The following TMEM92 variants were observed in gnomAD, a reference collection of about 807,000 sequenced individuals.
TMEM92 encodes transmembrane protein 92.
A neutral mutation model predicts 14.6 loss-of-function variants in TMEM92; 15 were observed. The observed-to-expected ratio is 1.03, with a 90% confidence interval of 0.69 to 1.58. The LOEUF (loss-of-function observed/expected upper bound fraction) is 1.58, where lower values mean the gene tolerates loss of function less well. Among genes scored for constraint, TMEM92 ranks in the 40% most tolerant of loss-of-function variants. TMEM92 has a pLI of 0.00. For missense variants in TMEM92, 174 were observed against 202.4 expected (o/e 0.86, Z 0.85); for synonymous variants, 85 against 83.3 (o/e 1.02, Z -0.11).
At chr17:50,273,962 A>C (rs1217629485), upstream of TMEM92, among the ~76,000 whole-genome samples, 2 of 138,766 alleles carry the variant, frequency 1.4e-5, no homozygotes, top group East Asian at 4.7e-4. Context: ...CCTCTTTTTA[A>C]ATTTAGGTTA....
chr17:50,277,575 G>A (rs1309850865), intron 1 of TMEM92, 140 bp from the exon 2 acceptor site: 6 of 917,624 alleles, frequency 6.5e-6, no homozygotes, highest in Non-Finnish European at 6.9e-6. Flanking sequence ...GGAGTGAGGT[G>A]GGGGGTGGCT....
At chr17:50,273,548 A>G (rs1910321469), upstream of TMEM92, among the ~76,000 whole-genome samples, 1 of 152,138 alleles carries the variant, frequency 6.6e-6, no homozygotes, top group African/African-American at 2.4e-5. Flanking sequence ...CCGTTTTGTC[A>G]ATGGGAGAAA....
Position 50,274,744 on chromosome 17 carries a change from G to T in TMEM92, c.69+174G>T, listed in dbSNP as rs1323602799. 1.4e-5 allele frequency: 9 copies of T among 648,420 alleles called. No homozygotes were observed. In the Admixed American group the frequency reaches 1.8e-4, roughly 13 times the overall value. The allele number at this position is 648,420 out of a possible 1,614,324, so 40.2% of individuals were successfully genotyped here. On this transcript the variant is annotated intron_variant, in intron 1 of 4. Transcript: ENST00000507382. ...AGGTGGAGGTGGGGGCAGCGGAGGA[G>T]GCTCTGGGAGAGGCTGGGTTCTCCC...
chr17:50,278,720 T>C, intron 3 of TMEM92, 81 bp from the exon 4 acceptor site: 1 of 1,574,664 alleles, frequency 6.4e-7, no homozygotes, highest in Non-Finnish European at 8.6e-7. Flanking sequence ...GGGGGCAGTG[T>C]GGGCGGCGGG....
chr17:50,277,532 G>C (rs1438279539), intron 1 of TMEM92, among the ~76,000 whole-genome samples, 183 bp from the exon 2 acceptor site: 1 of 151,974 alleles, frequency 6.6e-6, no homozygotes, highest in African/African-American at 2.4e-5. Context: ...CCAGGGGTCA[G>C]TTGGGCTCCA....
At chr17:50,273,575 T>C (rs1173055230), upstream of TMEM92, among the ~76,000 whole-genome samples, 1 of 152,184 alleles carries the variant, frequency 6.6e-6, no homozygotes, top group Admixed American at 6.5e-5. Flanking sequence ...CAACACCTCC[T>C]GTAGGATTTC....
chr17:50,277,296 G>C (rs187669004), intron 1 of TMEM92, among the ~76,000 whole-genome samples: 79 of 152,296 alleles, frequency 5.2e-4, no homozygotes, highest in African/African-American at 1.9e-3. Context: ...GGGAGCCACC[G>C]AAGGGGGCTT....
intron 1 of TMEM92, chr17:50,274,825 C>T (rs1910374092): frequency 1.5e-5 from 8 of 537,116 alleles, no homozygotes; most frequent in South Asian, 1.4e-4. Flanking sequence ...CCTTATCTGA[C>T]ACCTAGCACG....
At chr17:50,274,950 G>A in intron 1 of TMEM92, 1 of 222,284 alleles carries the variant, frequency 4.5e-6, no homozygotes, top group South Asian at 7.3e-5. Context: ...AGTTCCTCCA[G>A]TGCTGGGGGA....
chr17:50,274,848 G>T, intron 1 of TMEM92: 1 of 498,104 alleles, frequency 2.0e-6, no homozygotes, highest in Non-Finnish European at 3.6e-6. Context: ...TCTGTGAATA[G>T]GGACTTTGGA....
intron 2 of TMEM92, among the ~76,000 whole-genome samples, chr17:50,278,129 C>G (rs1272112833): frequency 6.6e-6 from 1 of 152,186 alleles, no homozygotes. Flanking sequence ...TAGGTCAGCC[C>G]TGGGTGTTCT....
At chr17:50,279,133 G>C (rs1341967513) in intron 4 of TMEM92, 62 bp from the exon 5 acceptor site, 2 of 1,548,174 alleles carry the variant, frequency 1.3e-6, no homozygotes, top group African/African-American at 2.7e-5. Flanking sequence ...GCCTCAGCTG[G>C]GATGGGGGAG....
At chr17:50,273,451 C>T (rs1378078797), upstream of TMEM92, among the ~76,000 whole-genome samples, 5 of 152,242 alleles carry the variant, frequency 3.3e-5, no homozygotes, top group East Asian at 9.6e-4. Context: ...CTGGATGGGC[C>T]TGCTCGCCCG....
At chr17:50,275,588 C>A (rs1001914598) in intron 1 of TMEM92, among the ~76,000 whole-genome samples, 1 of 152,106 alleles carries the variant, frequency 6.6e-6, no homozygotes, top group African/African-American at 2.4e-5. Flanking sequence ...TAAAACTCAG[C>A]CTCTGAACCA....
At chr17:50,277,060 G>C (rs548555009) in intron 1 of TMEM92, among the ~76,000 whole-genome samples, 2 of 152,290 alleles carry the variant, frequency 1.3e-5, no homozygotes, top group South Asian at 2.1e-4. Flanking sequence ...TGCAGACCTG[G>C]TACAGAAGAG....
chr17:50,277,979 C>T (rs2143051804), intron 2 of TMEM92, among the ~76,000 whole-genome samples: 1 of 152,314 alleles, frequency 6.6e-6, no homozygotes, highest in South Asian at 2.1e-4. Context: ...CCCGGTCCTT[C>T]CTACTGCAGT....
At chr17:50,273,289 C>A (rs924761333), upstream of TMEM92, among the ~76,000 whole-genome samples, 1 of 152,124 alleles carries the variant, frequency 6.6e-6, no homozygotes, top group African/African-American at 2.4e-5. Context: ...GCGCCCCTCC[C>A]GGCTCCCGGG....
chr17:50,272,686 T>TA (rs1910287100), upstream of TMEM92, among the ~76,000 whole-genome samples: 1 of 151,484 alleles, frequency 6.6e-6, no homozygotes, highest in Non-Finnish European at 1.5e-5. Flanking sequence ...CAAAAAGGGC[T>TA]AGGAGGTAAT....
chr17:50,276,174 G>T (rs1056071663), intron 1 of TMEM92, among the ~76,000 whole-genome samples: 16 of 152,132 alleles, frequency 1.1e-4, no homozygotes, highest in Non-Finnish European at 2.4e-4. Context: ...TAGAGACAGG[G>T]TCTCGCTATG....
Sources: gnomAD v4.1 joint callset for allele counts (sites outside exome capture counted in the v4.1 genomes callset) on GRCh38, gnomAD v4.1.1 for gene constraint, MANE v1.5 for transcripts, NCBI Gene and HGNC (gene_info 2026-07-23, HGNC 2026-07-21) for gene names.